LARP4: variants seen among roughly 807,000 people sequenced by gnomAD.
LARP4 encodes the protein La ribonucleoprotein 4, also known as la-related protein 4.
LARP4 carries 29 observed loss-of-function variants against 92.9 expected under a neutral mutation model. The observed-to-expected ratio is 0.31, with a 90% CI of 0.23 to 0.43. The LOEUF is 0.43. Among genes scored for constraint, LARP4 ranks in the 20% least tolerant of loss-of-function variants. The probability of loss-of-function intolerance (pLI) is 1.00; values close to 1 mark genes in which losing one functional copy is unlikely to be tolerated. For synonymous variants in LARP4, 279 were observed against 284.1 expected (o/e 0.98, Z 0.18); for missense variants, 732 against 860.0 (o/e 0.85, Z 1.86).
chr12:50,471,929 T>C (rs753821806), intron 13 of LARP4, among the ~76,000 whole-genome samples: 7 of 152,222 alleles, frequency 4.6e-5, no homozygotes, highest in Admixed American at 1.3e-4. Flanking sequence ...ACTTCTGTGG[T>C]TTCTTTTCCG....
chr12:50,418,550 G>C (rs1947229328), intron 1 of LARP4, among the ~76,000 whole-genome samples: 1 of 152,054 alleles, frequency 6.6e-6, no homozygotes, highest in Admixed American at 6.6e-5. Context: ...CTCTCAAATA[G>C]CTGGGACTGT....
intron 1 of LARP4, among the ~76,000 whole-genome samples, chr12:50,403,032 C>T (rs1944156938): frequency 1.3e-5 from 2 of 152,136 alleles, no homozygotes; most frequent in South Asian, 4.1e-4. Context: ...AATATTTGAT[C>T]CCTGTAACCT....
chr12:50,453,379 A>G, intron 8 of LARP4, 81 bp from the exon 9 acceptor site: 4 of 815,936 alleles, frequency 4.9e-6, no homozygotes, highest in East Asian at 2.7e-5. Context: ...GTCATGTAAA[A>G]TATATGTTAA....
rs948569068 is a variant in LARP4 at position 50,437,776 on chromosome 12, A to C, written c.577A>C (p.Arg193=). ...VQVDEKGEKV[R]PSHKRCIVIL... ...AGTTGATGAGAAGGGTGAGAAAGTGAGACCAAGTCATAAGCGTTGTATTGT... is the reference window on the plus strand; with the variant it reads ...AGTTGATGAGAAGGGTGAGAAAGTGCGACCAAGTCATAAGCGTTGTATTGT... Residue 193 remains arginine (R), a synonymous_variant, in exon 6 of 16, where the codon AGA becomes CGA. Coordinates refer to ENST00000398473, the MANE Select transcript of LARP4 (RefSeq NM_052879.5). 3 of 1,612,166 alleles carry C rather than the reference A, an allele frequency of 1.9e-6. No individual in the cohort carries two copies. The African/African-American group carries it at 4.0e-5, about 22-fold the overall frequency.
At chr12:50,408,100 G>C (rs1945167567) in intron 1 of LARP4, among the ~76,000 whole-genome samples, 1 of 149,946 alleles carries the variant, frequency 6.7e-6, no homozygotes. Flanking sequence ...GATGTGAACT[G>C]CATTCATAAA....
chr12:50,468,015 C>T (rs531487684), intron 13 of LARP4, among the ~76,000 whole-genome samples: 1 of 152,076 alleles, frequency 6.6e-6, no homozygotes, highest in African/African-American at 2.4e-5. Flanking sequence ...GAGTCTTGCT[C>T]TGTAACCTAG....
intron 8 of LARP4, among the ~76,000 whole-genome samples, chr12:50,443,557 A>G (rs1951564214): frequency 6.6e-6 from 1 of 150,606 alleles, no homozygotes; most frequent in South Asian, 2.1e-4. Context: ...GTGAGCCACC[A>G]CACCATGATT....
chr12:50,418,564 C>T (rs1565960501), intron 1 of LARP4, among the ~76,000 whole-genome samples: 1 of 152,138 alleles, frequency 6.6e-6, no homozygotes, highest in Non-Finnish European at 1.5e-5. Context: ...GGACTGTAGG[C>T]ATGTGCCAAC....
At chr12:50,430,213 AG>A (rs1373467314) in intron 3 of LARP4, among the ~76,000 whole-genome samples, 1 of 152,136 alleles carries the variant, frequency 6.6e-6, no homozygotes, top group African/African-American at 2.4e-5. Flanking sequence ...AAAAATAAAA[AG>A]TTAGCTGGGT....
rs753238473 is a variant in LARP4, at chr12:50,429,013, C to T, written c.245C>T (p.Thr82Ile). The stretch of plus-strand genomic sequence containing the variant: ...TCATCTTGTGAAACCACAAGAAATA[C>T]TACAGGCATTGAAGAATCAACTGAT... ...YSSSCETTRN[T>I]TGIEESTDGM... The change falls in exon 3 of 16, where the codon ACT becomes ATT. Residue 82 changes from threonine (T) to isoleucine (I), a missense_variant. Physicochemically the swap from Thr to Ile is moderately conservative, Grantham distance 89. Transcript: ENST00000398473. 8 of 1,609,044 alleles carry T rather than the reference C, an allele frequency of 5.0e-6. No homozygotes were observed. Among genetic ancestry groups the T allele is most frequent in the East Asian group, 2.2e-5 (1 of 44,800 alleles).
chr12:50,402,862 G>C (rs971606493), intron 1 of LARP4: 4 of 447,136 alleles, frequency 8.9e-6, no homozygotes, highest in African/African-American at 6.1e-5. Flanking sequence ...TTTAAAAGTT[G>C]TATCTCCATT....
At position 50,427,846 on chromosome 12, in the gene LARP4, G is replaced by A. The variant is rs751771966; in HGVS notation, c.103G>A (p.Val35Ile). Residue 35 changes from valine (V) to isoleucine (I), a missense_variant, in exon 2 of 16, where the codon GTA becomes ATA. Around this residue, in one of 7 missense-constraint regions of LARP4, gnomAD observed 236 missense variants for 307.6 expected, o/e 0.77. Coordinates refer to ENST00000398473, the MANE Select transcript of LARP4 (RefSeq NM_052879.5). ...IAPGNTDATP[V>I]THGTESSWHE... ...TCCTGGAAATACTGATGCCACCCCAGTAACTCATGGAACTGAAAGCTCTTG... is the reference window on the plus strand; with the variant it reads ...TCCTGGAAATACTGATGCCACCCCAATAACTCATGGAACTGAAAGCTCTTG... 1.2e-6 allele frequency: 2 copies of A among 1,604,816 alleles called. No homozygotes were observed. Among genetic ancestry groups the A allele is most frequent in the South Asian group, 1.1e-5 (1 of 89,890 alleles).
intron 3 of LARP4, among the ~76,000 whole-genome samples, chr12:50,429,938 C>A (rs1949400340): frequency 6.6e-6 from 1 of 152,160 alleles, no homozygotes; most frequent in East Asian, 1.9e-4. Context: ...CCATGCCCGG[C>A]CTTTAAGTGC....
intron 10 of LARP4, chr12:50,454,679 C>T (rs1953901150): frequency 3.4e-6 from 1 of 297,330 alleles, no homozygotes. Flanking sequence ...TTCATGACAC[C>T]AGTCTCTGAC....
chr12:50,454,932 A>G (rs756714288), intron 10 of LARP4: 1 of 152,454 alleles, frequency 6.6e-6, no homozygotes, highest in Non-Finnish European at 1.5e-5. Flanking sequence ...ATATTTTATC[A>G]GTTACTTTTT....
At chr12:50,463,033 G>A (rs1955647822) in intron 12 of LARP4, among the ~76,000 whole-genome samples, 1 of 151,958 alleles carries the variant, frequency 6.6e-6, no homozygotes, top group African/African-American at 2.4e-5. Context: ...GGACTTCTAG[G>A]GAGAGGCAGA....
Position 50,475,817 on chromosome 12 carries a change from C to G in LARP4, c.2128C>G (p.Arg710Gly), listed in dbSNP as rs776176069. The change falls in exon 16 of 16, where the codon CGA becomes GGA. Residue 710 changes from arginine (R) to glycine (G), a missense_variant. Around this residue, in one of 7 missense-constraint regions of LARP4, gnomAD observed 115 missense variants for 129.1 expected, o/e 0.89. Coordinates refer to ENST00000398473, the MANE Select transcript of LARP4 (RefSeq NM_052879.5). ...SHRAIPQGVTRRNGKEQYVPP... is the reference protein window; with the variant it reads ...SHRAIPQGVTGRNGKEQYVPP... ...TAGGGCTATACCTCAGGGAGTGACT[C>G]GACGTAATGGCAAAGAGCAATATGT... is the stretch of plus-strand genomic sequence containing the variant. 3 of 1,613,970 alleles carry G rather than the reference C, an allele frequency of 1.9e-6. No individual in the cohort carries two copies. Among genetic ancestry groups the G allele is most frequent in the Non-Finnish European group, 2.5e-6 (3 of 1,180,018 alleles).
At chr12:50,409,811 T>A (rs150930081) in intron 1 of LARP4, among the ~76,000 whole-genome samples, 235 of 151,144 alleles carry the variant, frequency 1.6e-3, no homozygotes, top group African/African-American at 5.0e-3. Flanking sequence ...TATTATTATT[T>A]TTTTAAGATG....
Position 50,465,918 on chromosome 12 carries a change from A to G in LARP4, c.1384-1041A>G, listed in dbSNP as rs757073178. On this transcript the variant is annotated intron_variant, in intron 12 of 15. Transcript: ENST00000398473. ...GGATAGTGGACATCACTCAAGGAGA[A>G]TATGAGAAGTAAAGAGTAATAACCA... 3.0e-4 allele frequency among the ~76,000 whole-genome samples: 45 copies of G among 152,238 alleles called. 1 individual carries two copies. The highest frequency in any genetic ancestry group is 5.4e-4 in the Non-Finnish European group (37 of 68,032).
Sources: allele counts gnomAD v4.1 joint callset (sites outside exome capture counted in the v4.1 genomes callset), GRCh38; gene constraint gnomAD v4.1.1; regional missense constraint gnomAD v4.1.1; transcripts MANE v1.5; gene names NCBI Gene and HGNC (gene_info 2026-07-23, HGNC 2026-07-21).